Variants in XPO1 observed in about 807,000 individuals in gnomAD.
The protein encoded by XPO1 is exportin 1.
XPO1 carries 5 observed loss-of-function variants against 133.3 expected under a neutral mutation model. The observed-to-expected ratio is 0.04, with a 90% CI of 0.02 to 0.08. The LOEUF (loss-of-function observed/expected upper bound fraction) is 0.08. Among genes scored for constraint, XPO1 ranks in the 10% least tolerant of loss-of-function variants. The pLI is 1.00. For missense variants in XPO1, 506 were observed against 1,267.5 expected, an observed-to-expected ratio of 0.40 and a Z score of 9.12; for synonymous variants, 419 against 408.2, an observed-to-expected ratio of 1.03 and a Z score of -0.32.
At chr2:61,493,157 C>G in intron 12 of XPO1, 104 bp from the exon 13 acceptor site, 10 of 1,224,728 alleles carry the variant, frequency 8.2e-6, no homozygotes, top group Non-Finnish European at 1.1e-5. Context: ...AACCACAAGC[C>G]AGCCATGTGT....
chr2:61,498,641 G>C (rs556853160), intron 9 of XPO1, 32 bp downstream of exon 9: 1 of 1,609,318 alleles, frequency 6.2e-7, no homozygotes. Context: ...GTGGCTATCC[G>C]GTGACAAATA....
intron 22 of XPO1, 55 bp from the exon 23 acceptor site, chr2:61,482,594 A>G: frequency 7.3e-7 from 1 of 1,369,658 alleles, no homozygotes; most frequent in Non-Finnish European, 9.7e-7. Flanking sequence ...TATAGATCTT[A>G]GCGTTTTTTT....
At chr2:61,485,664 T>C in intron 20 of XPO1, 104 bp downstream of exon 20, 5 of 992,740 alleles carry the variant, frequency 5.0e-6, no homozygotes, top group South Asian at 1.9e-5. Context: ...ATATTTAAAC[T>C]CCATGGCATT....
intron 3 of XPO1, among the ~76,000 whole-genome samples, chr2:61,524,523 G>C (rs887006022): frequency 6.6e-6 from 1 of 152,156 alleles, no homozygotes; most frequent in African/African-American, 2.4e-5. Flanking sequence ...GCCCAGGTTA[G>C]GTCAAAGGAA....
chr2:61,537,517 C>T (rs1290547804), intron 1 of XPO1, 45 bp downstream of exon 1: 1 of 148,156 alleles, frequency 6.7e-6, no homozygotes, highest in Non-Finnish European at 1.5e-5. Context: ...CCCGCCCGGC[C>T]GCGCCGCCGC....
chr2:61,483,076 A>G lies in XPO1; in HGVS notation c.2693T>C (p.Phe898Ser), dbSNP rs1307437244. The change falls in exon 22 of 25, where the codon TTT (phenylalanine) becomes TCT (serine). Residue 898 changes from phenylalanine (F) to serine (S), a missense_variant. By Grantham distance (155) the Phe-to-Ser change is radical. Around this residue, in one of 6 missense-constraint regions of XPO1, gnomAD observed 203 missense variants for 365.9 expected, o/e 0.55. Coordinates refer to ENST00000401558, the MANE Select transcript of XPO1 (RefSeq NM_003400.4). ...NVADTGLQILFTLLQNVAQEE... is the reference protein window; with the variant it reads ...NVADTGLQILSTLLQNVAQEE... ...TTGTGCAACATTTTGTAAGAGTGTA[A>G]AAAGTATCTGTAAGCCTAAAAGACA... 1.2e-6 allele frequency: 2 copies of G among 1,612,626 alleles called. No individual in the cohort carries two copies. Among genetic ancestry groups the G allele is most frequent in the East Asian group, 2.2e-5 (1 of 44,866 alleles).
chr2:61,499,595 A>T, intron 7 of XPO1, 118 bp downstream of exon 7: 2 of 1,002,960 alleles, frequency 2.0e-6, no homozygotes, highest in African/African-American at 3.3e-5. Context: ...GAAAACCACT[A>T]CAAGCAATTT....
chr2:61,502,386 T>A (rs2104532855), intron 4 of XPO1, 76 bp from the exon 5 acceptor site: 4 of 1,333,928 alleles, frequency 3.0e-6, no homozygotes, highest in Non-Finnish European at 3.2e-6. Context: ...GAGAACTAAT[T>A]AATGTGGGAA....
chr2:61,502,464 T>C, intron 4 of XPO1, 154 bp from the exon 5 acceptor site: 1 of 730,898 alleles, frequency 1.4e-6, no homozygotes, highest in East Asian at 3.0e-5. Context: ...TTTAAAAAAA[T>C]TCCGGCCCGG....
rs1277330272 is a variant in XPO1, at chr2:61,490,789, G to C, written c.1888-13C>G. 1 of 1,609,696 alleles carries C rather than the reference G, an allele frequency of 6.2e-7. No individual in the cohort carries two copies. The highest frequency in any genetic ancestry group is 1.7e-5 in the Admixed American group (1 of 58,438). On this transcript the variant is annotated splice_polypyrimidine_tract_variant and intron_variant, in intron 16 of 24. Transcript: ENST00000401558. The stretch of plus-strand genomic sequence containing the variant: ...AAAACGTATGAACCTATTTTAAAAA[G>C]CAGACATTTTAACGTTTATGTTATA...
intron 12 of XPO1, chr2:61,493,460 CCACGCCACTG>C (rs1379496005): frequency 1.5e-5 from 3 of 194,738 alleles, no homozygotes; most frequent in African/African-American, 7.1e-5. Flanking sequence ...TGAGCTATGA[CCACGCCACTG>C]CACTCCAACC....
intron 4 of XPO1, among the ~76,000 whole-genome samples, chr2:61,519,261 T>C (rs890169229): frequency 7.2e-5 from 11 of 152,186 alleles, no homozygotes; most frequent in African/African-American, 2.7e-4. Flanking sequence ...TCTTTTGCTC[T>C]TTAAAATTTT....
chr2:61,491,983 T>C, intron 16 of XPO1, 52 bp downstream of exon 16: 2 of 1,592,902 alleles, frequency 1.3e-6, no homozygotes, highest in Non-Finnish European at 1.7e-6. Flanking sequence ...TACATACAGA[T>C]TGATACAAGT....
chr2:61,479,196 G>A (rs1185958790), intron 24 of XPO1, among the ~76,000 whole-genome samples: 1 of 152,196 alleles, frequency 6.6e-6, no homozygotes, highest in Admixed American at 6.5e-5. Context: ...CCCCGGCATG[G>A]TGGCTCACGC....
In XPO1 at chr2:61,482,845, G is replaced by A. The variant is rs1043492376; in HGVS notation, c.2812+112C>T. 2.2e-5 allele frequency: 29 copies of A among 1,307,024 alleles called. No individual in the cohort carries two copies. The African/African-American group carries it at 2.3e-4, about 10-fold the overall frequency. 81.0% of individuals were successfully genotyped at this position (1,307,024 alleles called of 1,614,324 possible). A position where few individuals can be genotyped will look rare whatever the true frequency, so the allele number is the denominator to read the frequency against. On this transcript the variant is annotated intron_variant, in intron 22 of 24. Coordinates refer to ENST00000401558, the MANE Select transcript of XPO1 (RefSeq NM_003400.4). ...TCACCATGGTGGCCAGGCTGTTCTC[G>A]AACTCCTGACCTCATAATCTCCCCG... is the stretch of plus-strand genomic sequence containing the variant.
rs181421525 is a variant in XPO1 at position 61,497,216 on chromosome 2, A to C, written c.760-209T>G. Among the ~76,000 whole-genome samples the C allele has an allele frequency of 4.4e-3, 667 of 152,252 alleles. 1 individual carries two copies. The highest frequency in any genetic ancestry group is 7.3e-3 in the Non-Finnish European group (497 of 68,002). ...AGTATACAGTAAATGCTTTAGGAGC[A>C]AACTTTTTTTGTTTTTTTGAGACAG... On this transcript the variant is annotated intron_variant, in intron 9 of 24. Transcript: ENST00000401558.
intron 7 of XPO1, among the ~76,000 whole-genome samples, chr2:61,499,198 G>C (rs1326291035): frequency 6.6e-6 from 1 of 152,116 alleles, no homozygotes; most frequent in South Asian, 2.1e-4. Flanking sequence ...TTTCTGTTTT[G>C]TTTTAAAAAG....
chr2:61,529,997 T>A (rs1006580166), intron 2 of XPO1, among the ~76,000 whole-genome samples: 33 of 152,210 alleles, frequency 2.2e-4, no homozygotes, highest in African/African-American at 8.0e-4. Context: ...ATGTGTCATA[T>A]GAGAAATGAC....
At position 61,496,980 on chromosome 2, in the gene XPO1, C is replaced by G. The variant is rs1046008200; in HGVS notation, c.787G>C (p.Val263Leu). ...ATCTCAGTGAGGCACTTCAGAGAGA[C>G]ATTTCGAAACATTGGAACATTCAGG... Reference protein sequence around the residue: ...KFLNVPMFRNVSLKCLTEIAG... With the variant: ...KFLNVPMFRNLSLKCLTEIAG... Residue 263 changes from valine to leucine, a missense_variant, in exon 10 of 25, where the codon GTC (valine) becomes CTC (leucine). By Grantham distance (32) the Val-to-Leu change is conservative. This residue lies in a region of XPO1 where 134 missense variants were observed against 261.6 expected (regional missense o/e 0.51). Coordinates refer to ENST00000401558, the MANE Select transcript of XPO1 (RefSeq NM_003400.4). 2 of 1,612,632 alleles carry G rather than the reference C, an allele frequency of 1.2e-6. No homozygotes were observed. The highest frequency in any genetic ancestry group is 2.2e-5 in the East Asian group (1 of 44,806).
Sources: gnomAD v4.1 joint callset for allele counts (sites outside exome capture counted in the v4.1 genomes callset) on GRCh38, gnomAD v4.1.1 for gene constraint, gnomAD v4.1.1 regional missense constraint, MANE v1.5 for transcripts, NCBI Gene and HGNC (gene_info 2026-07-23, HGNC 2026-07-21) for gene names.